The following PCDHGA1 variants were observed in gnomAD, a reference collection of about 807,000 sequenced individuals.
PCDHGA1 encodes the protein protocadherin gamma-A1.
PCDHGA1 carries 32 observed loss-of-function variants against 58.0 expected under a neutral mutation model. The observed-to-expected ratio is 0.55, with a 90% CI of 0.42 to 0.74. The LOEUF is 0.74. Among genes scored for constraint, PCDHGA1 ranks in the 30% least tolerant of loss-of-function variants. The pLI is 0.00. For synonymous variants in PCDHGA1, 498 were observed against 501.1 expected, an observed-to-expected ratio of 0.99 and a Z score of 0.08; for missense variants, 1,205 against 1,182.3, an observed-to-expected ratio of 1.02 and a Z score of -0.28.
intron 1 of PCDHGA1, chr5:141,413,858 G>T: frequency 6.2e-7 from 1 of 1,613,258 alleles, no homozygotes; most frequent in Non-Finnish European, 8.5e-7. Context: ...CTCCGATCTG[G>T]CACTGTCCTT....
In PCDHGA1 at chr5:141,489,185, T is replaced by G; in HGVS notation, c.2422-5622T>G. The G allele has an allele frequency of 7.8e-7, 1 of 1,286,838 alleles. No individual in the cohort carries two copies. The highest frequency in any genetic ancestry group is 1.5e-5 in the African/African-American group (1 of 67,216). 79.7% of individuals were successfully genotyped at this position (1,286,838 alleles called of 1,614,324 possible). On this transcript the variant is annotated intron_variant, in intron 1 of 3. Transcript: ENST00000517417. The surrounding 1 kb of genome is among the most constrained non-coding windows in gnomAD (Gnocchi z 4.5). The stretch of plus-strand genomic sequence containing the variant: ...CAGCTGCTGCATTCCAAGCCCTGGG[T>G]CTACCTTGGAGACAGGACAGCACAG...
chr5:141,409,577 G>A, intron 1 of PCDHGA1: 1 of 1,613,920 alleles, frequency 6.2e-7, no homozygotes, highest in South Asian at 1.1e-5. Context: ...GTCCTACGTG[G>A]TCCACGTGGC....
intron 1 of PCDHGA1, chr5:141,394,510 C>A (rs371348730): frequency 3.1e-6 from 5 of 1,614,216 alleles, no homozygotes; most frequent in Non-Finnish European, 3.4e-6. Context: ...CTGTACCCCG[C>A]CCTCCCCACA....
In PCDHGA1 at chr5:141,494,836, C is replaced by G. The variant is rs1016713543; in HGVS notation, c.2451C>G (p.Phe817Leu). ...CCCCGCCCAACACGGACTGGCGTTT[C>G]TCTCAGGCCCAGAGACCCGGCACCA... ...QQAPPNTDWR[F>L]SQAQRPGTSG... The change falls in exon 2 of 4, where the codon TTC (phenylalanine) becomes TTG (leucine). Residue 817 changes from phenylalanine (F) to leucine (L), a missense_variant. Phe to Leu is a conservative substitution (Grantham distance 22, BLOSUM62 0). Coordinates refer to ENST00000517417, the MANE Select transcript of PCDHGA1 (RefSeq NM_018912.3). 1.9e-6 allele frequency: 3 copies of G among 1,614,054 alleles called. No individual in the cohort carries two copies. The highest frequency in any genetic ancestry group is 2.7e-5 in the African/African-American group (2 of 74,932).
At chr5:141,343,658 C>A (rs1352931139) in intron 1 of PCDHGA1, among the ~76,000 whole-genome samples, 2 of 152,164 alleles carry the variant, frequency 1.3e-5, no homozygotes, top group African/African-American at 4.8e-5. Flanking sequence ...TAACATATAT[C>A]GATTCAATTA....
chr5:141,389,101 C>G, intron 1 of PCDHGA1: 1 of 1,614,030 alleles, frequency 6.2e-7, no homozygotes, highest in Non-Finnish European at 8.5e-7. Flanking sequence ...GTGACAGATG[C>G]TGTTCTAGAC....
intron 1 of PCDHGA1, chr5:141,383,918 TA>T: frequency 6.2e-7 from 1 of 1,613,948 alleles, no homozygotes; most frequent in Non-Finnish European, 8.5e-7. Flanking sequence ...GTTTTAGATG[TA>T]AATGATAATG....
At chr5:141,506,669 A>C (rs1293213848) in intron 3 of PCDHGA1, among the ~76,000 whole-genome samples, 1 of 152,198 alleles carries the variant, frequency 6.6e-6, no homozygotes, top group African/African-American at 2.4e-5. Flanking sequence ...GTAAGGGCAC[A>C]ATATATTATT....
At chr5:141,471,963 T>C (rs2024084) in intron 1 of PCDHGA1, among the ~76,000 whole-genome samples, 27,680 of 152,068 alleles carry the variant, frequency 0.18, 3,629 homozygotes, top group African/African-American at 0.37. Context: ...GTGGGGTTGG[T>C]TGCATTACTG....
intron 1 of PCDHGA1, among the ~76,000 whole-genome samples, chr5:141,479,817 A>T (rs773702225): frequency 6.6e-6 from 1 of 152,230 alleles, no homozygotes; most frequent in Non-Finnish European, 1.5e-5. Flanking sequence ...CAAGGATACT[A>T]TCCAAGGCAT....
At chr5:141,350,167 T>C in intron 1 of PCDHGA1, 1 of 1,181,342 alleles carries the variant, frequency 8.5e-7, no homozygotes, top group South Asian at 2.3e-5. Context: ...GCCTAACTAA[T>C]AAGTCCTAAG....
At chr5:141,508,718 G>T (rs2099871076) in intron 3 of PCDHGA1, among the ~76,000 whole-genome samples, 1 of 151,852 alleles carries the variant, frequency 6.6e-6, no homozygotes, top group Non-Finnish European at 1.5e-5. Flanking sequence ...TTTTCTGTGT[G>T]CAGGGAGACT....
chr5:141,362,404 G>A, intron 1 of PCDHGA1: 1 of 1,614,000 alleles, frequency 6.2e-7, no homozygotes. Context: ...CCTGTGTGTT[G>A]CCTCACAATC....
chr5:141,482,562 C>A (rs1030078543), intron 1 of PCDHGA1, among the ~76,000 whole-genome samples: 68 of 142,616 alleles, frequency 4.8e-4, no homozygotes, highest in African/African-American at 1.8e-3. Flanking sequence ...TAATGGAGAT[C>A]TGCATAGCAT....
At chr5:141,504,696 G>T (rs2099840373) in intron 2 of PCDHGA1, among the ~76,000 whole-genome samples, 1 of 151,438 alleles carries the variant, frequency 6.6e-6, no homozygotes, top group African/African-American at 2.4e-5. Flanking sequence ...GGAGGGGCAG[G>T]TTCTTCTATG....
chr5:141,351,887 A>T (rs778485455), intron 1 of PCDHGA1: 1 of 1,613,388 alleles, frequency 6.2e-7, no homozygotes, highest in Non-Finnish European at 8.5e-7. Context: ...CGCCAACGTG[A>T]GCCTGCGCGT....
intron 1 of PCDHGA1, chr5:141,384,394 G>C (rs1252206948): frequency 1.2e-6 from 2 of 1,613,814 alleles, no homozygotes; most frequent in Non-Finnish European, 1.7e-6. Context: ...CATCCAGGGG[G>C]CTCCAGTGTC....
intron 1 of PCDHGA1, chr5:141,340,285 T>G: frequency 6.2e-7 from 1 of 1,614,068 alleles, no homozygotes; most frequent in South Asian, 1.1e-5. Flanking sequence ...ATGCTCACAT[T>G]TTGCTCCAGG....
intron 1 of PCDHGA1, among the ~76,000 whole-genome samples, chr5:141,456,790 C>T (rs1364747385): frequency 6.6e-6 from 1 of 151,976 alleles, no homozygotes; most frequent in Admixed American, 6.6e-5. Flanking sequence ...TGGCAAAACC[C>T]CATCTCTACT....
Sources: allele counts gnomAD v4.1 joint callset (sites outside exome capture counted in the v4.1 genomes callset), GRCh38; gene constraint gnomAD v4.1.1; non-coding constraint Gnocchi (gnomAD v3.1); transcripts MANE v1.5; gene names NCBI Gene and HGNC (gene_info 2026-07-23, HGNC 2026-07-21).